Variants in MAML2 observed in about 807,000 individuals in gnomAD.
The protein encoded by MAML2 is mastermind-like protein 2.
Under a neutral mutation model 96.1 loss-of-function variants are expected in MAML2, and 22 were observed. The ratio of observed to expected loss-of-function variants is 0.23; its 90% CI spans 0.16 to 0.33. The LOEUF (loss-of-function observed/expected upper bound fraction) is 0.33. Ranked by LOEUF, MAML2 falls within the 10% of genes least tolerant of loss-of-function variation. MAML2 has a pLI of 1.00. For missense variants in MAML2, 1,367 were observed against 1,392.4 expected (o/e 0.98, Z 0.29); for synonymous variants, 561 against 521.3 (o/e 1.08, Z -1.04).
intron 1 of MAML2, among the ~76,000 whole-genome samples, chr11:96,143,524 G>A (rs972139410): frequency 2.4e-4 from 36 of 152,240 alleles, no homozygotes; most frequent in Middle Eastern, 3.4e-3. Context: ...TTTCTCTGGA[G>A]ACATTTAAGA....
intron 2 of MAML2, among the ~76,000 whole-genome samples, chr11:96,009,592 G>A (rs576532509): frequency 1.3e-5 from 2 of 152,286 alleles, no homozygotes; most frequent in South Asian, 4.1e-4. Context: ...AGAACCAACT[G>A]TGTACTTACT....
chr11:96,066,013 G>T (rs938351348), intron 2 of MAML2, among the ~76,000 whole-genome samples: 2 of 152,164 alleles, frequency 1.3e-5, no homozygotes, highest in African/African-American at 4.8e-5. Flanking sequence ...CTCTTCTAAA[G>T]AAAGACTGAA....
At chr11:96,214,916 A>G (rs1317199095) in intron 1 of MAML2, among the ~76,000 whole-genome samples, 2 of 152,230 alleles carry the variant, frequency 1.3e-5, no homozygotes, top group Non-Finnish European at 2.9e-5. Flanking sequence ...GTAGAGGCTG[A>G]GGATTAGGAA....
At chr11:96,079,555 A>G (rs1194850501) in intron 2 of MAML2, among the ~76,000 whole-genome samples, 1 of 152,180 alleles carries the variant, frequency 6.6e-6, no homozygotes, top group Non-Finnish European at 1.5e-5. Context: ...TGCAAAGAGG[A>G]GAAAATTATT....
chr11:96,310,089 A>G (rs967960752), intron 1 of MAML2, among the ~76,000 whole-genome samples: 5 of 152,180 alleles, frequency 3.3e-5, no homozygotes, highest in African/African-American at 1.2e-4. Flanking sequence ...TTAAAAAACT[A>G]TCATCATATT....
chr11:96,164,754 T>A (rs1395751051), intron 1 of MAML2, among the ~76,000 whole-genome samples: 2 of 152,200 alleles, frequency 1.3e-5, no homozygotes, highest in Non-Finnish European at 2.9e-5. Context: ...TACCCTTTGA[T>A]GTACAATGCT....
In MAML2 at chr11:96,092,219, C is replaced by CTGCTGCTGCTGCTGCTGT. The variant is rs1565211590; in HGVS notation, c.1811_1812insACAGCAGCAGCAGCAGCA (p.Gln616_Gln621dup). The stretch of plus-strand genomic sequence containing the variant: ...GCTGCTGCTGCTGCTGTTGCTGCTG[C>CTGCTGCTGCTGCTGCTGT]TGCTGCTGCTGCTGCTGCTGCTGCT... On this transcript the variant is annotated inframe_insertion, in exon 2 of 5. Transcript: ENST00000524717. The surrounding 1 kb of genome is among the most constrained non-coding windows in gnomAD (Gnocchi z 4.1). 20 of 51,130 alleles carry CTGCTGCTGCTGCTGCTGT rather than the reference C, an allele frequency of 3.9e-4. No homozygotes were observed. Among genetic ancestry groups the CTGCTGCTGCTGCTGCTGT allele is most frequent in the South Asian group, 5.5e-4 (1 of 1,810 alleles). 3.2% of individuals were successfully genotyped at this position (51,130 alleles called of 1,614,324 possible).
chr11:96,003,021 TGATGATGGGGATGAGGAG>T (rs1157605959), intron 2 of MAML2, among the ~76,000 whole-genome samples: 5 of 138,306 alleles, frequency 3.6e-5, no homozygotes, highest in African/African-American at 8.3e-5. Flanking sequence ...ATGATGAAGA[TGATGATGGGGATGAGGAG>T]GATGATGGGG....
At chr11:96,068,910 C>T (rs1343792489) in intron 2 of MAML2, among the ~76,000 whole-genome samples, 3 of 142,828 alleles carry the variant, frequency 2.1e-5, no homozygotes, top group Non-Finnish European at 3.0e-5. Context: ...CTTCCTTCTT[C>T]CCTCCTTTTT....
At chr11:96,182,706 A>C (rs528461349) in intron 1 of MAML2, among the ~76,000 whole-genome samples, 44 of 152,300 alleles carry the variant, frequency 2.9e-4, no homozygotes, top group African/African-American at 9.4e-4. Context: ...AGCTTGCACA[A>C]GTCCACACAG....
intron 1 of MAML2, among the ~76,000 whole-genome samples, chr11:96,197,885 A>G (rs899354324): frequency 6.6e-6 from 1 of 152,234 alleles, no homozygotes; most frequent in African/African-American, 2.4e-5. Context: ...GGTGAAGTGT[A>G]AAAGTAAGGA....
intron 2 of MAML2, among the ~76,000 whole-genome samples, chr11:96,017,314 G>C (rs935370753): frequency 6.6e-6 from 1 of 152,104 alleles, no homozygotes; most frequent in Non-Finnish European, 1.5e-5. Context: ...GCAGGTAACT[G>C]AAGTCTTAAA....
chr11:95,983,579 T>C (rs1367881939), intron 4 of MAML2, among the ~76,000 whole-genome samples: 1 of 152,170 alleles, frequency 6.6e-6, no homozygotes, highest in African/African-American at 2.4e-5. Flanking sequence ...CACAAAGAAA[T>C]GATAAATGTT....
At chr11:96,276,432 C>T (rs1862988648) in intron 1 of MAML2, among the ~76,000 whole-genome samples, 1 of 152,082 alleles carries the variant, frequency 6.6e-6, no homozygotes, top group South Asian at 2.1e-4. Flanking sequence ...TAAACTTAAT[C>T]CTAAAATCTA....
intron 1 of MAML2, among the ~76,000 whole-genome samples, chr11:96,228,359 T>A (rs974438113): frequency 1.3e-5 from 2 of 152,184 alleles, no homozygotes; most frequent in African/African-American, 4.8e-5. Flanking sequence ...TTCTCCTTCA[T>A]GCTAGCACCC....
At chr11:96,002,844 AGGAGGATGATGGGGATGAT>A (rs1858109473) in intron 2 of MAML2, among the ~76,000 whole-genome samples, 5 of 139,336 alleles carry the variant, frequency 3.6e-5, no homozygotes, top group East Asian at 4.8e-4. Context: ...GGGGATGATG[AGGAGGATGATGGGGATGAT>A]GAAATGATGA....
intron 2 of MAML2, among the ~76,000 whole-genome samples, chr11:96,087,061 C>T (rs1859627661): frequency 1.3e-5 from 2 of 152,270 alleles, no homozygotes; most frequent in South Asian, 2.1e-4. Flanking sequence ...AATTACTAAC[C>T]ATAACCCTGA....
At chr11:96,281,329 A>G (rs1253212912) in intron 1 of MAML2, among the ~76,000 whole-genome samples, 1 of 152,130 alleles carries the variant, frequency 6.6e-6, no homozygotes, top group East Asian at 1.9e-4. Flanking sequence ...ATAGATCACT[A>G]AACATTTGTC....
chr11:96,201,415 T>C (rs1482390600), intron 1 of MAML2, among the ~76,000 whole-genome samples: 1 of 152,250 alleles, frequency 6.6e-6, no homozygotes. Flanking sequence ...GAAGTCTATT[T>C]AGATTAAGAA....
Sources: allele counts gnomAD v4.1 joint callset (sites outside exome capture counted in the v4.1 genomes callset), GRCh38; gene constraint gnomAD v4.1.1; non-coding constraint Gnocchi (gnomAD v3.1); transcripts MANE v1.5; gene names NCBI Gene and HGNC (gene_info 2026-07-23, HGNC 2026-07-21).